The following LARGE2 variants were observed in gnomAD, a reference collection of about 807,000 sequenced individuals.
LARGE2 encodes the protein LARGE xylosyl- and glucuronyltransferase 2.
Under a neutral mutation model 75.3 loss-of-function variants are expected in LARGE2, and 63 were observed. That is an observed-to-expected ratio of 0.84 (90% CI 0.68 to 1.03). The LOEUF is 1.03. Ranked by LOEUF, LARGE2 falls within the 50% of genes least tolerant of loss-of-function variation. The pLI is 0.00. For missense variants in LARGE2, 925 were observed against 980.6 expected (o/e 0.94, Z 0.76); for synonymous variants, 428 against 420.1 (o/e 1.02, Z -0.23).
rs1335127540 is a variant in LARGE2 at position 45,926,719 on chromosome 11, G to C, written c.1173G>C (p.Gln391His). 1 of 1,613,380 alleles carries C rather than the reference G, an allele frequency of 6.2e-7. No homozygotes were observed. The highest frequency in any genetic ancestry group is 2.2e-5 in the East Asian group (1 of 44,872). Residue 391 changes from glutamine to histidine, a missense_variant, in exon 10 of 14, where the codon CAG (glutamine) becomes CAC (histidine). Transcript: ENST00000401752. Reference sequence around the variant, plus strand: ...ACCCCTTGCCCCCTCAGTTGCAGCAGGCCCTGGCACAACTGGACGAGGAAG... The same window carrying C: ...ACCCCTTGCCCCCTCAGTTGCAGCACGCCCTGGCACAACTGGACGAGGAAG... ...QPPPGAEQLQ[Q>H]ALAQLDEEDP... is the part of the protein sequence containing the mutation.
rs1281449754 is a variant in LARGE2 at position 45,923,312 on chromosome 11, C to T, written c.285+145C>T. 2.7e-6 allele frequency: 3 copies of T among 1,099,008 alleles called. No homozygotes were observed. The African/African-American group carries it at 4.7e-5, about 17-fold the overall frequency. 68.1% of individuals were successfully genotyped at this position (1,099,008 alleles called of 1,614,324 possible). On this transcript the variant is annotated intron_variant, in intron 2 of 13. Transcript: ENST00000401752. ...GGCGCACCTCGAACGTGCAGCTCCT[C>T]TGCTCCCGACCTCATTTCCCCATTT...
In LARGE2 at chr11:45,927,490, G is replaced by A. The variant is rs142801972; in HGVS notation, c.1501G>A (p.Val501Ile). ...VVYREGPLYPVNQLRNVALAQ... is the reference protein window; with the variant it reads ...VVYREGPLYPINQLRNVALAQ... ...GTACCGTGAGGGGCCCCTATACCCC[G>A]TCAACCAGCTTCGCAACGTGGCCTT... Residue 501 changes from valine to isoleucine, a missense_variant, in exon 11 of 14, where the codon GTC (valine) becomes ATC (isoleucine). Transcript: ENST00000401752. 36 of 1,614,070 alleles carry A rather than the reference G, an allele frequency of 2.2e-5. No individual in the cohort carries two copies. Among genetic ancestry groups the A allele is most frequent in the South Asian group, 4.4e-5 (4 of 91,094 alleles).
rs1291988917 is a variant in LARGE2 at position 45,924,825 on chromosome 11, G to C, written c.705G>C (p.Trp235Cys). Residue 235 changes from tryptophan (W) to cysteine (C), a missense_variant, in exon 6 of 14, where the codon TGG becomes TGC. Physicochemically the swap from Trp to Cys is radical, Grantham distance 215 (BLOSUM62 -2). Around this residue, in one of 3 missense-constraint regions of LARGE2, gnomAD observed 453 missense variants for 460.2 expected, o/e 0.98. Transcript: ENST00000401752. ...GTCTTGTGGAGAACCAGAGTGACTG[G>C]TACCTGGGCAACCTCTGGAAGAACC... ...AIGLVENQSD[W>C]YLGNLWKNHR... The C allele has an allele frequency of 6.6e-7, 1 of 1,513,660 alleles. No homozygotes were observed. Among genetic ancestry groups the C allele is most frequent in the Non-Finnish European group, 8.8e-7 (1 of 1,130,254 alleles). 93.8% of individuals were successfully genotyped at this position (1,513,660 alleles called of 1,614,324 possible).
At chr11:45,923,962 G>A (rs1469913766) in intron 3 of LARGE2, among the ~76,000 whole-genome samples, 192 bp from the exon 4 acceptor site, 1 of 126,584 alleles carries the variant, frequency 7.9e-6, no homozygotes, top group Non-Finnish European at 1.6e-5. Context: ...CTCCAGCCTG[G>A]GCGACAGAGC....
At position 45,927,960 on chromosome 11, in the gene LARGE2, G is replaced by A. The variant is rs374827388; in HGVS notation, c.1645G>A (p.Ala549Thr). The change falls in exon 12 of 14, where the codon GCA (alanine) becomes ACA (threonine). Residue 549 changes from alanine (A) to threonine (T), a missense_variant. Coordinates refer to ENST00000401752, the MANE Select transcript of LARGE2 (RefSeq NM_001300721.2). ...EQLGLGSRRK[A>T]ALVVPAFETL... ...GCTGGGGCTGGGCAGCCGGCGCAAG[G>A]CAGCACTGGTGGTGCCGGCATTCGA... 12 of 1,613,590 alleles carry A rather than the reference G, an allele frequency of 7.4e-6. No homozygotes were observed. Among genetic ancestry groups the A allele is most frequent in the African/African-American group, 4.0e-5 (3 of 74,916 alleles).
rs756089595 is a variant in LARGE2, at chr11:45,926,864, A to G, written c.1318A>G (p.Met440Val). Reference protein sequence around the residue: ...HDVTLVAQLSMDRLQMLEALC... With the variant: ...HDVTLVAQLSVDRLQMLEALC... ...TGTCACCCTTGTGGCCCAGCTGTCC[A>G]TGGACCGGTGAGGGTGCAGAGGGCA... The change falls in exon 10 of 14, where the codon ATG becomes GTG. Residue 440 changes from methionine (M) to valine (V), a missense_variant. Met to Val is a conservative substitution (Grantham distance 21, BLOSUM62 1). This residue lies in a region of LARGE2 where 469 missense variants were observed against 503.8 expected (regional missense o/e 0.93). Coordinates refer to ENST00000401752, the MANE Select transcript of LARGE2 (RefSeq NM_001300721.2). The G allele has an allele frequency of 8.1e-6, 13 of 1,610,444 alleles. No individual in the cohort carries two copies. Among genetic ancestry groups the G allele is most frequent in the East Asian group, 4.5e-5 (2 of 44,868 alleles).
chr11:45,923,021 T>G lies in LARGE2; in HGVS notation c.139T>G (p.Cys47Gly). Reference protein sequence around the residue: ...EPGGRAGAPGCFPGPLMPRVP... With the variant: ...EPGGRAGAPGGFPGPLMPRVP... ...TGGCGGGCGAGCGGGGGCCCCGGGA[T>G]GCTTCCCCGGCCCGCTCATGCCACG... The change falls in exon 2 of 14, where the codon TGC (cysteine) becomes GGC (glycine). Residue 47 changes from cysteine (C) to glycine (G), a missense_variant. Cys to Gly is a radical substitution (Grantham distance 159, BLOSUM62 -3). Transcript: ENST00000401752. 1.5e-6 allele frequency: 2 copies of G among 1,372,876 alleles called. No individual in the cohort carries two copies. Among genetic ancestry groups the G allele is most frequent in the Non-Finnish European group, 1.9e-6 (2 of 1,066,658 alleles). The allele number at this position is 1,372,876 out of a possible 1,614,324, so 85.0% of individuals were successfully genotyped here. A position where few individuals can be genotyped will look rare whatever the true frequency, so the allele number is the denominator to read the frequency against.
At position 45,927,543 on chromosome 11, in the gene LARGE2, C is replaced by T; in HGVS notation, c.1554C>T (p.Phe518=). The T allele has an allele frequency of 6.2e-7, 1 of 1,614,180 alleles. No homozygotes were observed. Residue 518 remains phenylalanine, a synonymous_variant, in exon 11 of 14, where the codon TTC becomes TTT. Coordinates refer to ENST00000401752, the MANE Select transcript of LARGE2 (RefSeq NM_001300721.2). ...ALAQALTPYV[F]LSDIDFLPAY... The stretch of plus-strand genomic sequence containing the variant: ...CCCAGGCCCTCACGCCTTACGTCTT[C>T]CTCAGTGACATTGACTTCCTGCCTG...
rs758660384 is a variant in LARGE2, at chr11:45,927,332, C to T, written c.1343C>T (p.Ala448Val). Reference sequence around the variant, plus strand: ...CCCCATAGGCTGCAGATGTTGGAAGCCCTGTGCAGGCACTGGCCTGGCCCC... The same window carrying T: ...CCCCATAGGCTGCAGATGTTGGAAGTCCTGTGCAGGCACTGGCCTGGCCCC... Reference protein sequence around the residue: ...LSMDRLQMLEALCRHWPGPMS... With the variant: ...LSMDRLQMLEVLCRHWPGPMS... Residue 448 changes from alanine to valine, a missense_variant, in exon 11 of 14, where the codon GCC (alanine) becomes GTC (valine). Transcript: ENST00000401752. 4 of 1,613,164 alleles carry T rather than the reference C, an allele frequency of 2.5e-6. No homozygotes were observed. The highest frequency in any genetic ancestry group is 2.2e-5 in the East Asian group (1 of 44,892).
upstream of LARGE2, chr11:45,922,583 G>T (rs1263123011): frequency 4.3e-6 from 1 of 231,564 alleles, no homozygotes; most frequent in Non-Finnish European, 8.3e-6. Context: ...CCCCGGGGGG[G>T]TCACCCCGCC....
Position 45,928,040 on chromosome 11 carries a change from G to A in LARGE2, c.1725G>A (p.Leu575=). The A allele has an allele frequency of 6.2e-7, 1 of 1,613,926 alleles. No homozygotes were observed. The highest frequency in any genetic ancestry group is 1.6e-4 in the Middle Eastern group (1 of 6,062). ...FPHSKVELLA[L]LDAGTLYTFR... is the part of the protein sequence containing the mutation. The stretch of plus-strand genomic sequence containing the variant: ...ATTCCAAGGTGGAGCTGTTGGCCTT[G>A]CTGGATGCGGGCACTCTCTACACCT... The change falls in exon 12 of 14, where the codon TTG becomes TTA. Residue 575 remains leucine (L), a synonymous_variant. Transcript: ENST00000401752.
intron 8 of LARGE2, 34 bp from the exon 9 acceptor site, chr11:45,926,408 G>A (rs2134741714): frequency 1.9e-6 from 3 of 1,613,706 alleles, no homozygotes; most frequent in South Asian, 2.2e-5. Flanking sequence ...TCTGCTCCCT[G>A]CTCCCATGGC....
Position 45,923,531 on chromosome 11 carries a change from TG to T in LARGE2, c.346del (p.Val116Ter). ...GHNSSRDVITLVKSMLFYRKN... is the reference protein window; with the variant it reads ...GHNSSRDVITXVKSMLFYRKN... ...AACTCCAGCCGAGACGTCATCACCCTGGTGAAGTCCATGCTCTTCTACAGGT... is the reference window on the plus strand; with the variant it reads ...AACTCCAGCCGAGACGTCATCACCCTGTGAAGTCCATGCTCTTCTACAGGT... On this transcript the variant is annotated frameshift_variant, in exon 3 of 14. Coordinates refer to ENST00000401752, the MANE Select transcript of LARGE2 (RefSeq NM_001300721.2). LOFTEE classifies it high-confidence loss of function. 1 of 1,613,922 alleles carries T rather than the reference TG, an allele frequency of 6.2e-7. No homozygotes were observed.
rs777651713 is a variant in LARGE2, at chr11:45,927,419, C to T, written c.1430C>T (p.Ala477Val). Residue 477 changes from alanine (A) to valine (V), a missense_variant, in exon 11 of 14, where the codon GCC becomes GTC. Ala to Val is a moderately conservative substitution (Grantham distance 64). This residue lies in a region of LARGE2 where 469 missense variants were observed against 503.8 expected (regional missense o/e 0.93). Transcript: ENST00000401752. Reference sequence around the variant, plus strand: ...CAGCAGTTCCTGCATTTCGTCGAGGCCTCACCAGTGCTTGCTGCCCGGCAG... The same window carrying T: ...CAGCAGTTCCTGCATTTCGTCGAGGTCTCACCAGTGCTTGCTGCCCGGCAG... ...EAQQFLHFVEASPVLAARQDV... is the reference protein window; with the variant it reads ...EAQQFLHFVEVSPVLAARQDV... 2.5e-6 allele frequency: 4 copies of T among 1,614,082 alleles called. No homozygotes were observed.
At position 45,926,429 on chromosome 11, in the gene LARGE2, T is replaced by G; in HGVS notation, c.1009-13T>G. 5.6e-6 allele frequency: 9 copies of G among 1,613,978 alleles called. No individual in the cohort carries two copies. The highest frequency in any genetic ancestry group is 7.6e-6 in the Non-Finnish European group (9 of 1,179,976). On this transcript the variant is annotated splice_polypyrimidine_tract_variant and intron_variant, in intron 8 of 13. Coordinates refer to ENST00000401752, the MANE Select transcript of LARGE2 (RefSeq NM_001300721.2). ...CCCTGCTCCCATGGCCCCAACACCCTCCTGGGTCCCAGGTGATCCACTGGA... is the reference window on the plus strand; with the variant it reads ...CCCTGCTCCCATGGCCCCAACACCCGCCTGGGTCCCAGGTGATCCACTGGA...
intron 6 of LARGE2, among the ~76,000 whole-genome samples, 187 bp downstream of exon 6, chr11:45,925,076 G>A (rs1002414381): frequency 3.3e-5 from 5 of 152,150 alleles, no homozygotes; most frequent in African/African-American, 1.2e-4. Context: ...GCCAGCTCTC[G>A]TGCTCCCTCT....
In LARGE2 at chr11:45,926,506, A is replaced by G. The variant is rs1283822149; in HGVS notation, c.1073A>G (p.Asn358Ser). The G allele has an allele frequency of 3.1e-6, 5 of 1,613,948 alleles. No homozygotes were observed. Among genetic ancestry groups the G allele is most frequent in the Middle Eastern group, 1.6e-4 (1 of 6,084 alleles). Residue 358 changes from asparagine to serine, a missense_variant, in exon 9 of 14, where the codon AAT (asparagine) becomes AGT (serine). Asn to Ser is a conservative substitution (Grantham distance 46). This residue lies in a region of LARGE2 where 469 missense variants were observed against 503.8 expected (regional missense o/e 0.93). Transcript: ENST00000401752. The part of the protein sequence containing the change: ...VKNKHVEFFR[N>S]FYLTFLEYDG... ...AACAAGCATGTGGAATTCTTCCGCAATTTCTACCTGACCTTCCTGGAGTAC... is the reference window on the plus strand; with the variant it reads ...AACAAGCATGTGGAATTCTTCCGCAGTTTCTACCTGACCTTCCTGGAGTAC...
intron 11 of LARGE2, 98 bp downstream of exon 11, chr11:45,927,691 C>A: frequency 6.6e-7 from 1 of 1,526,074 alleles, no homozygotes; most frequent in Non-Finnish European, 9.0e-7. Context: ...CTTTCTGGGC[C>A]TCAGTGGCCT....
At position 45,924,575 on chromosome 11, in the gene LARGE2, A is replaced by C; in HGVS notation, c.562A>C (p.Ser188Arg). ...LYGLMKLVLP[S>R]ALPAELARVI... is the part of the protein sequence containing the mutation. ...TGGGCTAATGAAGCTGGTGCTGCCCAGTGCCTTGCCTGCTGAGCTGGCCCG... is the reference window on the plus strand; with the variant it reads ...TGGGCTAATGAAGCTGGTGCTGCCCCGTGCCTTGCCTGCTGAGCTGGCCCG... Residue 188 changes from serine (S) to arginine (R), a missense_variant, in exon 5 of 14, where the codon AGT (serine) becomes CGT (arginine). Transcript: ENST00000401752. 6.2e-7 allele frequency: 1 copy of C among 1,613,994 alleles called. No homozygotes were observed. The highest frequency in any genetic ancestry group is 8.5e-7 in the Non-Finnish European group (1 of 1,180,020).
Sources: gnomAD v4.1 joint callset for allele counts (sites outside exome capture counted in the v4.1 genomes callset) on GRCh38, gnomAD v4.1.1 for gene constraint, gnomAD v4.1.1 regional missense constraint, MANE v1.5 for transcripts, NCBI Gene and HGNC (gene_info 2026-07-23, HGNC 2026-07-21) for gene names.